The following CDH7 variants were observed in gnomAD, a reference collection of about 807,000 sequenced individuals.
CDH7 encodes the protein cadherin 7, also known as cadherin-7.
Under a neutral mutation model 71.8 loss-of-function variants are expected in CDH7, and 25 were observed. That is an observed-to-expected ratio of 0.35 (90% CI 0.25 to 0.49). The LOEUF is 0.49. CDH7 is among the 20% of genes least tolerant of loss of function. The pLI, the probability that CDH7 is intolerant of heterozygous loss-of-function variation, is 0.99. For synonymous variants in CDH7, 381 were observed against 363.8 expected (o/e 1.05, Z -0.54); for missense variants, 862 against 974.6 (o/e 0.88, Z 1.54).
intron 2 of CDH7, among the ~76,000 whole-genome samples, chr18:65,780,995 G>C (rs1468426194): frequency 6.9e-6 from 1 of 143,924 alleles, no homozygotes; most frequent in Admixed American, 7.2e-5. Context: ...ATTTGCACTA[G>C]CTATGGTCCC....
chr18:65,809,061 T>G (rs1454040291), intron 2 of CDH7, among the ~76,000 whole-genome samples: 1 of 152,116 alleles, frequency 6.6e-6, no homozygotes, highest in Non-Finnish European at 1.5e-5. Context: ...CAACAAAGCT[T>G]TTAGTTGAAG....
At chr18:65,829,476 A>AAC (rs1156780763) in intron 6 of CDH7, among the ~76,000 whole-genome samples, 3 of 151,236 alleles carry the variant, frequency 2.0e-5, no homozygotes, top group South Asian at 2.1e-4. Flanking sequence ...TAAAAAAAAA[A>AAC]AAAAAACTTG....
rs375786436 is a variant in CDH7 at position 65,882,816 on chromosome 18, C to T, written c.*1922C>T. The T allele has an allele frequency of 6.6e-6, 1 of 151,940 alleles. No individual in the cohort carries two copies. Among genetic ancestry groups the T allele is most frequent in the South Asian group, 2.1e-4 (1 of 4,828 alleles). The allele number at this position is 151,940 out of a possible 1,614,324, so 9.4% of individuals were successfully genotyped here. A position where few individuals can be genotyped will look rare whatever the true frequency, so the allele number is the denominator to read the frequency against. On this transcript the variant is annotated 3_prime_UTR_variant, in exon 12 of 12. Coordinates refer to ENST00000397968, the MANE Select transcript of CDH7 (RefSeq NM_004361.5). ...AAAAAATAACAAACAAACAAAAAAA[C>T]ACGCGTATTTACCCAGTTCAATAAA...
intron 7 of CDH7, among the ~76,000 whole-genome samples, chr18:65,857,322 TA>T (rs1913397066): frequency 9.1e-5 from 2 of 22,086 alleles, no homozygotes; most frequent in Admixed American, 9.0e-4. Flanking sequence ...GCATCTATAA[TA>T]ATAATAATAA....
In CDH7 at chr18:65,781,971, TCTCTCTCTC is replaced by T. The variant is rs1568182050; in HGVS notation, c.210+18920_210+18928del. 2.0e-3 allele frequency among the ~76,000 whole-genome samples: 212 copies of T among 104,862 alleles called. 34 individuals carry two copies. Among genetic ancestry groups the T allele is most frequent in the African/African-American group, 6.5e-3 (124 of 19,136 alleles). The allele number at this position is 104,862 out of a possible 152,430, so 68.8% of individuals were successfully genotyped here. A position where few individuals can be genotyped will look rare whatever the true frequency, so the allele number is the denominator to read the frequency against. ...TTCTCTCTTTCTCTCTTTCTCTCTC[TCTCTCTCTC>T]TCTCTCTTTCTCTCTTTCTCTCTTT... On this transcript the variant is annotated intron_variant, in intron 2 of 11. Transcript: ENST00000397968.
intron 7 of CDH7, among the ~76,000 whole-genome samples, chr18:65,856,188 A>C (rs1404151826): frequency 6.6e-6 from 1 of 152,134 alleles, no homozygotes; most frequent in African/African-American, 2.4e-5. Context: ...CCCAGCCAAC[A>C]TTTGACTACA....
At chr18:65,778,271 CAAAAA>C (rs148841669) in intron 2 of CDH7, among the ~76,000 whole-genome samples, 45 of 84,334 alleles carry the variant, frequency 5.3e-4, no homozygotes, top group East Asian at 2.4e-3. Context: ...GACTCTGTCT[CAAAAA>C]AAAAAAAAAA....
At chr18:65,867,799 G>C (rs1913809678) in intron 11 of CDH7, among the ~76,000 whole-genome samples, 1 of 152,124 alleles carries the variant, frequency 6.6e-6, no homozygotes, top group African/African-American at 2.4e-5. Flanking sequence ...GGATTAGTTA[G>C]ACCAGCCCAG....
At chr18:65,853,207 T>C (rs969717948) in intron 7 of CDH7, among the ~76,000 whole-genome samples, 1 of 152,194 alleles carries the variant, frequency 6.6e-6, no homozygotes. Flanking sequence ...ACACCGCTAA[T>C]GGCATCAGAA....
chr18:65,779,257 C>CTTTTT lies in CDH7; in HGVS notation c.210+16219_210+16223dup, dbSNP rs34051231. Among the ~76,000 whole-genome samples, 18 of 72,870 alleles carry CTTTTT rather than the reference C, an allele frequency of 2.5e-4. 1 individual carries two copies. Among genetic ancestry groups the CTTTTT allele is most frequent in the African/African-American group, 1.1e-3 (18 of 16,192 alleles). 47.8% of individuals were successfully genotyped at this position (72,870 alleles called of 152,430 possible). A position where few individuals can be genotyped will look rare whatever the true frequency, so the allele number is the denominator to read the frequency against. On this transcript the variant is annotated intron_variant, in intron 2 of 11. Coordinates refer to ENST00000397968, the MANE Select transcript of CDH7 (RefSeq NM_004361.5). ...TGGAGCCATAAGAATAGAAAACATT[C>CTTTTT]TTTTTTTTTTTTTTTTTTCAGTCAT...
rs1166817123 is a variant in CDH7 at position 65,882,003 on chromosome 18, A to G, written c.*1109A>G. ...AATTGAGATTTTCTTTGATGCAAGA[A>G]TTATTTTTCAAGATCATGAGTTCTA... On this transcript the variant is annotated 3_prime_UTR_variant, in exon 12 of 12. Coordinates refer to ENST00000397968, the MANE Select transcript of CDH7 (RefSeq NM_004361.5). 6.7e-6 allele frequency: 1 copy of G among 149,088 alleles called. No homozygotes were observed. Among genetic ancestry groups the G allele is most frequent in the Admixed American group, 6.8e-5 (1 of 14,662 alleles). The allele number at this position is 149,088 out of a possible 1,614,324, so 9.2% of individuals were successfully genotyped here. A position where few individuals can be genotyped will look rare whatever the true frequency, so the allele number is the denominator to read the frequency against.
In CDH7 at chr18:65,858,854, G is replaced by A. The variant is rs572599618; in HGVS notation, c.1373-71G>A. ...GATTCTAGATTTCATTCTCAGCTTC[G>A]TCATTTTATTATTAGAATTGTGCTT... On this transcript the variant is annotated intron_variant, in intron 8 of 11. Transcript: ENST00000397968. The A allele has an allele frequency of 8.2e-5, 119 of 1,448,266 alleles. 1 individual carries two copies. Among genetic ancestry groups the A allele is most frequent in the South Asian group, 4.8e-4 (39 of 80,608 alleles). 89.7% of individuals were successfully genotyped at this position (1,448,266 alleles called of 1,614,324 possible).
At chr18:65,773,184 A>AT (rs1454053303) in intron 2 of CDH7, among the ~76,000 whole-genome samples, 2 of 152,006 alleles carry the variant, frequency 1.3e-5, no homozygotes, top group Admixed American at 6.6e-5. Context: ...TCTTTTTATT[A>AT]TTTTTCCAAG....
chr18:65,889,123 T>C lies in CDH7; in HGVS notation c.*8229T>C, dbSNP rs1914445757. ...CTATTACGTCTCTGAGGTGGGACAT[T>C]GTTGTGAGAATGGACGAGAGCACAA... On this transcript the variant is annotated 3_prime_UTR_variant, in exon 12 of 12. Coordinates refer to ENST00000397968, the MANE Select transcript of CDH7 (RefSeq NM_004361.5). 1 of 152,120 alleles carries C rather than the reference T, an allele frequency of 6.6e-6. No homozygotes were observed. Among genetic ancestry groups the C allele is most frequent in the South Asian group, 2.1e-4 (1 of 4,830 alleles). 9.4% of individuals were successfully genotyped at this position (152,120 alleles called of 1,614,324 possible).
chr18:65,822,013 T>C, intron 4 of CDH7, 68 bp from the exon 5 acceptor site: 6 of 1,201,798 alleles, frequency 5.0e-6, no homozygotes, highest in Non-Finnish European at 7.4e-6. Flanking sequence ...ACTACTTGTA[T>C]CAGTATTCTT....
intron 8 of CDH7, among the ~76,000 whole-genome samples, chr18:65,858,513 T>C (rs1913444676): frequency 6.6e-6 from 1 of 151,994 alleles, no homozygotes; most frequent in Non-Finnish European, 1.5e-5. Context: ...TCAAAGAACA[T>C]TGAAATTCAT....
In CDH7 at chr18:65,884,046, T is replaced by A. The variant is rs1322502213; in HGVS notation, c.*3152T>A. ...AGGGTTTGCCAAATTATGCCCATTT[T>A]GAACAGTTTAATTTATTGAAAAATC... On this transcript the variant is annotated 3_prime_UTR_variant, in exon 12 of 12. Coordinates refer to ENST00000397968, the MANE Select transcript of CDH7 (RefSeq NM_004361.5). 5.3e-5 allele frequency: 8 copies of A among 152,150 alleles called. No individual in the cohort carries two copies. Among genetic ancestry groups the A allele is most frequent in the Admixed American group, 5.2e-4 (8 of 15,272 alleles). 9.4% of individuals were successfully genotyped at this position (152,150 alleles called of 1,614,324 possible).
chr18:65,818,104 A>G (rs1442671667), intron 4 of CDH7, among the ~76,000 whole-genome samples: 1 of 152,160 alleles, frequency 6.6e-6, no homozygotes, highest in Non-Finnish European at 1.5e-5. Flanking sequence ...TTGTACTCAT[A>G]ATAGAGTATT....
intron 2 of CDH7, among the ~76,000 whole-genome samples, chr18:65,797,582 T>C (rs932784411): frequency 2.0e-5 from 3 of 152,150 alleles, no homozygotes; most frequent in Non-Finnish European, 2.9e-5. Flanking sequence ...TATAGTCTTA[T>C]TATTCTTTAT....
Sources: gnomAD v4.1 joint callset for allele counts (sites outside exome capture counted in the v4.1 genomes callset) on GRCh38, gnomAD v4.1.1 for gene constraint, MANE v1.5 for transcripts, NCBI Gene and HGNC (gene_info 2026-07-23, HGNC 2026-07-21) for gene names.